BCR: variants seen among roughly 807,000 people sequenced by gnomAD.
The protein encoded by BCR is BCR activator of RhoGEF and GTPase.
Under a neutral mutation model 138.6 loss-of-function variants are expected in BCR, and 58 were observed. The observed-to-expected ratio is 0.42, with a 90% confidence interval of 0.34 to 0.52. The LOEUF (loss-of-function observed/expected upper bound fraction) is 0.52, where lower values mean the gene tolerates loss of function less well. Among genes scored for constraint, BCR ranks in the 20% least tolerant of loss-of-function variants. The pLI is 0.06. For synonymous variants in BCR, 786 were observed against 730.1 expected, an observed-to-expected ratio of 1.08 and a Z score of -1.23; for missense variants, 1,599 against 1,727.2, an observed-to-expected ratio of 0.93 and a Z score of 1.32.
Position 23,285,277 on chromosome 22 carries a change from CTT to C in BCR, c.2406+78_2406+79del, listed in dbSNP as rs887371754. ...AGCCCCCGCACACGGCCAGTGGGTG[CTT>C]TCTCCGTCAGGCCTCTGGGCCCCAG... On this transcript the variant is annotated intron_variant, in intron 10 of 22. Coordinates refer to ENST00000305877, the MANE Select transcript of BCR (RefSeq NM_004327.4). The C allele has an allele frequency of 3.4e-5, 50 of 1,476,110 alleles. No homozygotes were observed. In the African/African-American group the frequency reaches 6.4e-4, roughly 19 times the overall value. The allele number at this position is 1,476,110 out of a possible 1,614,324, so 91.4% of individuals were successfully genotyped here.
At chr22:23,291,381 T>C (rs1457593991) in intron 14 of BCR, among the ~76,000 whole-genome samples, 1 of 151,818 alleles carries the variant, frequency 6.6e-6, no homozygotes, top group East Asian at 1.9e-4. Flanking sequence ...CGCTCACATT[T>C]ACATTTCCTA....
At position 23,271,394 on chromosome 22, in the gene BCR, T is replaced by C. The variant is rs2146287082; in HGVS notation, c.1861-138T>C. 8.2e-6 allele frequency: 7 copies of C among 857,742 alleles called. No individual in the cohort carries two copies. The East Asian group carries it at 1.9e-4, about 23-fold the overall frequency. 53.1% of individuals were successfully genotyped at this position (857,742 alleles called of 1,614,324 possible). A position where few individuals can be genotyped will look rare whatever the true frequency, so the allele number is the denominator to read the frequency against. On this transcript the variant is annotated intron_variant, in intron 5 of 22. Transcript: ENST00000305877. ...TGCTCGTGGGTCCCTGCACACCCTG[T>C]GACTTCATTATCAGCTCAGAATGCA...
intron 11 of BCR, 139 bp from the exon 12 acceptor site, chr22:23,287,958 C>A: frequency 3.9e-6 from 3 of 776,202 alleles, no homozygotes; most frequent in South Asian, 1.5e-5. Flanking sequence ...AAGCGACATG[C>A]CAGGCCGTGA....
At chr22:23,242,406 T>C (rs2073103862) in intron 1 of BCR, among the ~76,000 whole-genome samples, 1 of 152,240 alleles carries the variant, frequency 6.6e-6, no homozygotes, top group Admixed American at 6.5e-5. Flanking sequence ...GAGGAATCTT[T>C]ATGGCTTGCT....
intron 1 of BCR, among the ~76,000 whole-genome samples, chr22:23,188,929 C>T (rs527316345): frequency 6.6e-6 from 1 of 152,218 alleles, no homozygotes; most frequent in African/African-American, 2.4e-5. Context: ...TGCAGTGGCA[C>T]GATCTAGGCT....
intron 5 of BCR, among the ~76,000 whole-genome samples, chr22:23,270,804 C>T (rs922234129): frequency 3.9e-5 from 6 of 152,268 alleles, no homozygotes; most frequent in African/African-American, 1.4e-4. Context: ...TTTTATTCTG[C>T]ACTTCTCCAG....
In BCR at chr22:23,181,510, C is replaced by A. The variant is rs999874727; in HGVS notation, c.550C>A (p.His184Asn). 2 of 1,612,374 alleles carry A rather than the reference C, an allele frequency of 1.2e-6. No homozygotes were observed. Among genetic ancestry groups the A allele is most frequent in the Non-Finnish European group, 1.7e-6 (2 of 1,179,590 alleles). Residue 184 changes from histidine (H) to asparagine (N), a missense_variant, in exon 1 of 23, where the codon CAC (histidine) becomes AAC (asparagine). Coordinates refer to ENST00000305877, the MANE Select transcript of BCR (RefSeq NM_004327.4). ...KPFYVNVEFH[H>N]ERGLVKVNDK... is the part of the protein sequence containing the mutation. ...CTTCTACGTGAACGTCGAGTTTCAC[C>A]ACGAGCGCGGCCTGGTGAAGGTCAA...
At chr22:23,292,292 C>T (rs1046929621) in intron 14 of BCR, among the ~76,000 whole-genome samples, 1 of 152,154 alleles carries the variant, frequency 6.6e-6, no homozygotes, top group Non-Finnish European at 1.5e-5. Flanking sequence ...ACTGAGTGAA[C>T]GAATGTTGTG....
At chr22:23,183,374 C>T (rs1335754369) in intron 1 of BCR, among the ~76,000 whole-genome samples, 1 of 152,220 alleles carries the variant, frequency 6.6e-6, no homozygotes. Flanking sequence ...AAATCCTCTT[C>T]AAACGAGTGA....
chr22:23,297,128 C>A (rs1039480124), intron 16 of BCR, among the ~76,000 whole-genome samples: 3 of 152,166 alleles, frequency 2.0e-5, no homozygotes, highest in African/African-American at 4.8e-5. Context: ...ACCTCAAACT[C>A]CTGGCTGAAG....
At chr22:23,289,813 CT>C (rs1325447398) in intron 13 of BCR, 192 bp downstream of exon 13, 1 of 600,094 alleles carries the variant, frequency 1.7e-6, no homozygotes. Flanking sequence ...CAGTTTCTCC[CT>C]GAGTGGCTGC....
At chr22:23,196,989 G>A (rs1410370487) in intron 1 of BCR, among the ~76,000 whole-genome samples, 1 of 152,184 alleles carries the variant, frequency 6.6e-6, no homozygotes, top group Non-Finnish European at 1.5e-5. Flanking sequence ...TATGTAAAAT[G>A]CCATAGCTAG....
At chr22:23,314,437 A>G (rs1332397742) in intron 21 of BCR, 115 bp from the exon 22 acceptor site, 7 of 1,234,032 alleles carry the variant, frequency 5.7e-6, no homozygotes, top group South Asian at 1.3e-5. Flanking sequence ...GTCAGCTTGC[A>G]GCACAGCCAG....
At chr22:23,309,968 C>A in intron 17 of BCR, 1 of 383,466 alleles carries the variant, frequency 2.6e-6, no homozygotes, top group East Asian at 5.9e-5. Flanking sequence ...CACAGTGCAC[C>A]TATAGTCTCA....
At chr22:23,183,049 G>C (rs556263594) in intron 1 of BCR, among the ~76,000 whole-genome samples, 6 of 152,310 alleles carry the variant, frequency 3.9e-5, no homozygotes, top group African/African-American at 1.4e-4. Flanking sequence ...ATCTTGCCAA[G>C]GATAAGCACC....
At position 23,311,784 on chromosome 22, in the gene BCR, C is replaced by T. The variant is rs758959392; in HGVS notation, c.3270C>T (p.Arg1090=). The T allele has an allele frequency of 2.2e-5, 36 of 1,611,610 alleles. No homozygotes were observed. Among genetic ancestry groups the T allele is most frequent in the Non-Finnish European group, 3.0e-5 (35 of 1,179,834 alleles). The change falls in exon 19 of 23, where the codon CGC becomes CGT. Residue 1090 remains arginine, a synonymous_variant. Coordinates refer to ENST00000305877, the MANE Select transcript of BCR (RefSeq NM_004327.4). ...GCATGGAGGAGGTGGGCATCTACCGCGTGTCCGGTGTGGCCACGGACATCC... is the reference window on the plus strand; with the variant it reads ...GCATGGAGGAGGTGGGCATCTACCGTGTGTCCGGTGTGGCCACGGACATCC... ...RRGMEEVGIY[R]VSGVATDIQA... is the part of the protein sequence containing the mutation.
chr22:23,214,824 A>G (rs952314243), intron 1 of BCR, among the ~76,000 whole-genome samples: 6 of 152,308 alleles, frequency 3.9e-5, no homozygotes, highest in South Asian at 2.1e-4. Context: ...TGAACTATAC[A>G]TAATGTAAAA....
At chr22:23,249,606 G>T (rs2073200152) in intron 1 of BCR, among the ~76,000 whole-genome samples, 1 of 151,962 alleles carries the variant, frequency 6.6e-6, no homozygotes, top group Non-Finnish European at 1.5e-5. Context: ...TCACGGGTGG[G>T]GGGTGGTGCT....
At chr22:23,220,633 A>G (rs2072813981) in intron 1 of BCR, among the ~76,000 whole-genome samples, 2 of 152,058 alleles carry the variant, frequency 1.3e-5, no homozygotes, top group South Asian at 4.1e-4. Flanking sequence ...CTCTTACTGT[A>G]TACTTGGTGT....
Sources: allele counts gnomAD v4.1 joint callset (sites outside exome capture counted in the v4.1 genomes callset), GRCh38; gene constraint gnomAD v4.1.1; transcripts MANE v1.5; gene names NCBI Gene and HGNC (gene_info 2026-07-23, HGNC 2026-07-21).